The following SH3RF3 variants were observed in gnomAD, a reference collection of about 807,000 sequenced individuals.
The protein encoded by SH3RF3 is E3 ubiquitin-protein ligase SH3RF3.
A neutral mutation model predicts 66.3 loss-of-function variants in SH3RF3; 29 were observed. The ratio of observed to expected loss-of-function variants is 0.44; its 90% CI spans 0.33 to 0.60. The LOEUF is 0.60. Ranked by LOEUF, SH3RF3 falls within the 20% of genes least tolerant of loss-of-function variation. The pLI is 0.04. For missense variants in SH3RF3, 1,194 were observed against 1,190.9 expected, an observed-to-expected ratio of 1.00 and a Z score of -0.04; for synonymous variants, 583 against 532.0, an observed-to-expected ratio of 1.10 and a Z score of -1.32.
intron 4 of SH3RF3, among the ~76,000 whole-genome samples, chr2:109,412,395 T>C (rs1285710115): frequency 6.6e-6 from 1 of 152,244 alleles, no homozygotes; most frequent in Non-Finnish European, 1.5e-5. Context: ...TGTGCTTTGC[T>C]TGTGCTATGC....
chr2:109,259,965 G>A (rs1680311356), intron 1 of SH3RF3, among the ~76,000 whole-genome samples: 1 of 152,206 alleles, frequency 6.6e-6, no homozygotes, highest in African/African-American at 2.4e-5. Flanking sequence ...GACGCCCAGG[G>A]GTTTTCTTTG....
chr2:109,215,654 C>T (rs2378310), intron 1 of SH3RF3, among the ~76,000 whole-genome samples: 44,997 of 151,926 alleles, frequency 0.3, 7,661 homozygotes, highest in South Asian at 0.39. Context: ...TGGGCTCTCA[C>T]CTACGATTTT....
intron 1 of SH3RF3, among the ~76,000 whole-genome samples, chr2:109,158,903 G>T (rs1183036451): frequency 6.6e-6 from 1 of 152,194 alleles, no homozygotes; most frequent in Non-Finnish European, 1.5e-5. Flanking sequence ...ATCACCTGAG[G>T]TCAGGAGTTA....
At chr2:109,384,525 G>T (rs1178764194) in intron 3 of SH3RF3, among the ~76,000 whole-genome samples, 1 of 151,984 alleles carries the variant, frequency 6.6e-6, no homozygotes, top group Non-Finnish European at 1.5e-5. Flanking sequence ...AGGGGCAGTG[G>T]GAAAAGGGCT....
In SH3RF3 at chr2:109,352,223, C is replaced by T. The variant is rs147938213; in HGVS notation, c.849+4274C>T. ...TGTCTGCCCTCTCCTTTCTTCCTGT[C>T]TCAGGAAAAGTTGCACTTCCGTCAG... On this transcript the variant is annotated intron_variant, in intron 2 of 9. Transcript: ENST00000309415. Among the ~76,000 whole-genome samples the T allele has an allele frequency of 2.9e-4, 44 of 152,312 alleles. No homozygotes were observed. In the East Asian group the frequency reaches 8.1e-3, roughly 28 times the overall value.
intron 2 of SH3RF3, among the ~76,000 whole-genome samples, chr2:109,355,911 A>G (rs1682936989): frequency 6.6e-6 from 1 of 152,196 alleles, no homozygotes; most frequent in Admixed American, 6.5e-5. Flanking sequence ...TAACATGAGG[A>G]CAAATCAGAG....
At chr2:109,133,654 A>G (rs763528705) in intron 1 of SH3RF3, among the ~76,000 whole-genome samples, 20 of 151,630 alleles carry the variant, frequency 1.3e-4, no homozygotes, top group Non-Finnish European at 2.2e-4. Context: ...TCTCATTTAC[A>G]CCTGATTTGA....
chr2:109,269,668 A>G (rs1236319600), intron 1 of SH3RF3, among the ~76,000 whole-genome samples: 1 of 152,122 alleles, frequency 6.6e-6, no homozygotes. Flanking sequence ...AGTCCCAGCT[A>G]CTCAGGAGGC....
intron 5 of SH3RF3, among the ~76,000 whole-genome samples, chr2:109,428,294 G>C (rs1677092076): frequency 1.3e-5 from 2 of 152,274 alleles, no homozygotes; most frequent in Admixed American, 1.3e-4. Context: ...AAATACTTTG[G>C]TTTACTCTGA....
intron 8 of SH3RF3, among the ~76,000 whole-genome samples, chr2:109,457,394 T>C (rs1678088924): frequency 6.6e-6 from 1 of 152,202 alleles, no homozygotes; most frequent in Non-Finnish European, 1.5e-5. Flanking sequence ...CTGCAAAGCA[T>C]TAAACCAAAA....
intron 9 of SH3RF3, among the ~76,000 whole-genome samples, chr2:109,494,920 G>A (rs1022821975): frequency 2.0e-5 from 3 of 152,128 alleles, no homozygotes; most frequent in African/African-American, 7.2e-5. Context: ...TGCAGAGGGA[G>A]CTCCTCTGAG....
chr2:109,140,852 A>G (rs1676931475), intron 1 of SH3RF3, among the ~76,000 whole-genome samples: 1 of 152,188 alleles, frequency 6.6e-6, no homozygotes, highest in Non-Finnish European at 1.5e-5. Context: ...ATCAACACCT[A>G]CACAGTCTGG....
At chr2:109,194,014 G>C (rs1678434108) in intron 1 of SH3RF3, among the ~76,000 whole-genome samples, 1 of 152,220 alleles carries the variant, frequency 6.6e-6, no homozygotes, top group Non-Finnish European at 1.5e-5. Flanking sequence ...ATAAACTTTT[G>C]AAAGTTTTAG....
chr2:109,287,590 C>G (rs1050492637), intron 1 of SH3RF3, among the ~76,000 whole-genome samples: 1 of 152,196 alleles, frequency 6.6e-6, no homozygotes, highest in Non-Finnish European at 1.5e-5. Flanking sequence ...ATCATCTGCA[C>G]TATATACCCA....
At chr2:109,448,170 C>G (rs1451269430) in intron 7 of SH3RF3, among the ~76,000 whole-genome samples, 2 of 152,214 alleles carry the variant, frequency 1.3e-5, no homozygotes, top group Non-Finnish European at 2.9e-5. Flanking sequence ...GGCTTGCATG[C>G]AGTGGTGCTT....
intron 1 of SH3RF3, among the ~76,000 whole-genome samples, chr2:109,254,036 A>C (rs1303317210): frequency 1.3e-5 from 2 of 151,970 alleles, no homozygotes; most frequent in Non-Finnish European, 2.9e-5. Flanking sequence ...CATTCACATC[A>C]CATTTATCCT....
intron 1 of SH3RF3, among the ~76,000 whole-genome samples, chr2:109,272,250 G>A (rs1416614790): frequency 6.6e-6 from 1 of 152,212 alleles, no homozygotes; most frequent in African/African-American, 2.4e-5. Flanking sequence ...GCTTGTCTAG[G>A]TGAAATCTCT....
chr2:109,168,712 T>C (rs1421873615), intron 1 of SH3RF3, among the ~76,000 whole-genome samples: 3 of 152,260 alleles, frequency 2.0e-5, no homozygotes, highest in African/African-American at 7.2e-5. Context: ...TGTGATGCCT[T>C]CTGGCACTGG....
At chr2:109,404,994 G>A (rs1676417791) in intron 4 of SH3RF3, among the ~76,000 whole-genome samples, 2 of 148,464 alleles carry the variant, frequency 1.3e-5, no homozygotes, top group Non-Finnish European at 3.0e-5. Context: ...TAACCCCTAT[G>A]TCTACACAAA....
Sources: allele counts gnomAD v4.1 joint callset (sites outside exome capture counted in the v4.1 genomes callset), GRCh38; gene constraint gnomAD v4.1.1; transcripts MANE v1.5; gene names NCBI Gene and HGNC (gene_info 2026-07-23, HGNC 2026-07-21).